The following FBXL17 variants were observed in gnomAD, a reference collection of about 807,000 sequenced individuals.
The protein encoded by FBXL17 is F-box/LRR-repeat protein 17.
FBXL17 carries 22 observed loss-of-function variants against 66.2 expected under a neutral mutation model. That is an observed-to-expected ratio of 0.33 (90% CI 0.24 to 0.47). FBXL17 has a LOEUF of 0.47. Ranked by LOEUF, FBXL17 falls within the 20% of genes least tolerant of loss-of-function variation. The probability of loss-of-function intolerance (pLI) is 1.00; values close to 1 mark genes in which losing one functional copy is unlikely to be tolerated. For missense variants in FBXL17, 878 were observed against 948.2 expected, an observed-to-expected ratio of 0.93 and a Z score of 0.97; for synonymous variants, 474 against 400.5, an observed-to-expected ratio of 1.18 and a Z score of -2.19.
intron 8 of FBXL17, among the ~76,000 whole-genome samples, chr5:107,865,749 G>C (rs374466149): frequency 7.2e-5 from 11 of 152,234 alleles, no homozygotes; most frequent in African/African-American, 2.6e-4. Context: ...GTTATTCAGG[G>C]GAAATTCATG....
At chr5:107,940,809 C>T (rs572144632) in intron 7 of FBXL17, among the ~76,000 whole-genome samples, 10 of 152,174 alleles carry the variant, frequency 6.6e-5, no homozygotes, top group Non-Finnish European at 1.3e-4. Context: ...CCTGGCTACA[C>T]ACTAGAATCA....
intron 1 of FBXL17, among the ~76,000 whole-genome samples, chr5:108,378,817 T>G (rs1035235982): frequency 6.6e-6 from 1 of 152,206 alleles, no homozygotes; most frequent in Non-Finnish European, 1.5e-5. Flanking sequence ...TGAACAAGAT[T>G]ACGAATCCAG....
At chr5:108,032,455 G>A (rs1005419119) in intron 6 of FBXL17, among the ~76,000 whole-genome samples, 1 of 151,804 alleles carries the variant, frequency 6.6e-6, no homozygotes. Flanking sequence ...AGTGTCTGCA[G>A]GTATGATTTT....
chr5:108,185,971 C>G lies in FBXL17; in HGVS notation c.1745+146G>C, dbSNP rs554390337. 4.3e-5 allele frequency: 27 copies of G among 632,098 alleles called. No individual in the cohort carries two copies. In the African/African-American group the frequency reaches 4.8e-4, roughly 11 times the overall value. The allele number at this position is 632,098 out of a possible 1,614,324, so 39.2% of individuals were successfully genotyped here. A position where few individuals can be genotyped will look rare whatever the true frequency, so the allele number is the denominator to read the frequency against. Reference sequence around the variant, plus strand: ...CAACAGATGCATTAAAAGTATAGATCTAGATGGTTTTCAAAACTTAAACAT... The same window carrying G: ...CAACAGATGCATTAAAAGTATAGATGTAGATGGTTTTCAAAACTTAAACAT... On this transcript the variant is annotated intron_variant, in intron 6 of 8. Coordinates refer to ENST00000542267, the MANE Select transcript of FBXL17 (RefSeq NM_001163315.3).
chr5:107,883,536 AC>A (rs1561516965), intron 7 of FBXL17, among the ~76,000 whole-genome samples: 1 of 151,778 alleles, frequency 6.6e-6, no homozygotes, highest in South Asian at 2.1e-4. Context: ...TCCAAGGCTT[AC>A]CCCCCATCTC....
At chr5:108,006,247 T>C (rs974594940) in intron 7 of FBXL17, among the ~76,000 whole-genome samples, 2 of 152,174 alleles carry the variant, frequency 1.3e-5, no homozygotes, top group African/African-American at 4.8e-5. Flanking sequence ...CAAAAAATTG[T>C]AGAATGTTCA....
In FBXL17 at chr5:108,210,689, T is replaced by C. The variant is rs1474969305; in HGVS notation, c.1614+13432A>G. Among the ~76,000 whole-genome samples, 3 of 152,204 alleles carry C rather than the reference T, an allele frequency of 2.0e-5. No individual in the cohort carries two copies. In the East Asian group the frequency reaches 5.8e-4, roughly 29 times the overall value. ...TGGTGTGAGAGACTCTTTGTTATGA[T>C]TTCTGCTCTTTTGCATTTGCTGAGG... On this transcript the variant is annotated intron_variant, in intron 5 of 8. Coordinates refer to ENST00000542267, the MANE Select transcript of FBXL17 (RefSeq NM_001163315.3).
chr5:107,872,493 A>G lies in FBXL17; in HGVS notation c.1965+8544T>C, dbSNP rs80116606. Among the ~76,000 whole-genome samples, 99 of 152,384 alleles carry G rather than the reference A, an allele frequency of 6.5e-4. 1 individual carries two copies. The East Asian group carries it at 0.011, about 17-fold the overall frequency. On this transcript the variant is annotated intron_variant, in intron 8 of 8. Coordinates refer to ENST00000542267, the MANE Select transcript of FBXL17 (RefSeq NM_001163315.3). Reference sequence around the variant, plus strand: ...AACCAAAACTGTAGATTTCAAATACATAAAGCAGTAAGAATGGGGCTGCTC... The same window carrying G: ...AACCAAAACTGTAGATTTCAAATACGTAAAGCAGTAAGAATGGGGCTGCTC...
intron 7 of FBXL17, among the ~76,000 whole-genome samples, chr5:107,921,892 C>G (rs1253448992): frequency 1.3e-5 from 2 of 152,158 alleles, no homozygotes; most frequent in African/African-American, 4.8e-5. Flanking sequence ...TTTCTCTGCG[C>G]ACATGGGTGG....
intron 7 of FBXL17, among the ~76,000 whole-genome samples, chr5:107,945,493 T>C (rs1412113794): frequency 6.6e-6 from 1 of 152,062 alleles, no homozygotes; most frequent in Admixed American, 6.6e-5. Context: ...GAAAATTAAG[T>C]TGGGGTTGTT....
chr5:108,046,591 A>T (rs184645083), intron 6 of FBXL17, among the ~76,000 whole-genome samples: 1 of 152,118 alleles, frequency 6.6e-6, no homozygotes, highest in Non-Finnish European at 1.5e-5. Flanking sequence ...TTTTAAGAGT[A>T]TCTCTTTATA....
At chr5:107,931,653 T>A (rs1750741294) in intron 7 of FBXL17, among the ~76,000 whole-genome samples, 1 of 152,132 alleles carries the variant, frequency 6.6e-6, no homozygotes, top group South Asian at 2.1e-4. Flanking sequence ...CATTCTGACA[T>A]ATCTAGTTCA....
At chr5:108,258,143 AATTAAG>A (rs929125960) in intron 4 of FBXL17, among the ~76,000 whole-genome samples, 2 of 152,188 alleles carry the variant, frequency 1.3e-5, no homozygotes, top group African/African-American at 4.8e-5. Context: ...TTTGGAATGT[AATTAAG>A]ATTAAGTAAG....
At chr5:107,995,336 G>A (rs1753428899) in intron 7 of FBXL17, among the ~76,000 whole-genome samples, 2 of 152,244 alleles carry the variant, frequency 1.3e-5, no homozygotes, top group Admixed American at 1.3e-4. Flanking sequence ...TAAAACACAT[G>A]CTGTTTGAAA....
chr5:107,913,695 C>T (rs545394976), intron 7 of FBXL17, among the ~76,000 whole-genome samples: 2 of 152,254 alleles, frequency 1.3e-5, no homozygotes, highest in East Asian at 3.9e-4. Flanking sequence ...GACTCCTCCT[C>T]TGTAACATCT....
At chr5:108,309,346 G>A (rs1759004700) in intron 4 of FBXL17, among the ~76,000 whole-genome samples, 1 of 151,808 alleles carries the variant, frequency 6.6e-6, no homozygotes, top group Non-Finnish European at 1.5e-5. Context: ...CAGATTATGT[G>A]TTTGAAAGAA....
At chr5:108,370,122 T>A (rs1216521670) in intron 1 of FBXL17, among the ~76,000 whole-genome samples, 6 of 152,100 alleles carry the variant, frequency 3.9e-5, no homozygotes, top group Non-Finnish European at 5.9e-5. Context: ...GAAACCAGAA[T>A]ACCCAGAGAA....
rs189726861 is a variant in FBXL17, at chr5:108,228,609, T to C, written c.1507-4381A>G. Among the ~76,000 whole-genome samples the C allele has an allele frequency of 3.0e-4, 45 of 152,324 alleles. No individual in the cohort carries two copies. The South Asian group carries it at 7.0e-3, about 24-fold the overall frequency. ...TGCATGGCACATTGTAATTGTTCAA[T>C]AGATTTTAGCTATTATGATAATCAC... On this transcript the variant is annotated intron_variant, in intron 4 of 8. Transcript: ENST00000542267.
chr5:108,317,311 C>T (rs1194293395), intron 4 of FBXL17, among the ~76,000 whole-genome samples: 4 of 150,510 alleles, frequency 2.7e-5, no homozygotes, highest in South Asian at 2.1e-4. Context: ...CAATAAATTA[C>T]TGAGTTTTGT....
Sources: allele counts gnomAD v4.1 joint callset (sites outside exome capture counted in the v4.1 genomes callset), GRCh38; gene constraint gnomAD v4.1.1; transcripts MANE v1.5; gene names NCBI Gene and HGNC (gene_info 2026-07-23, HGNC 2026-07-21).